Variants in SV2B observed in about 807,000 individuals in gnomAD.
SV2B encodes the protein solute carrier family 22 member B2.
A neutral mutation model predicts 73.9 loss-of-function variants in SV2B; 41 were observed. The observed-to-expected ratio is 0.56, with a 90% CI of 0.43 to 0.72. The LOEUF (loss-of-function observed/expected upper bound fraction) is 0.72, where lower values mean the gene tolerates loss of function less well. Among genes scored for constraint, SV2B ranks in the 30% least tolerant of loss-of-function variants. The probability of loss-of-function intolerance (pLI) is 0.00; values close to 1 mark genes in which losing one functional copy is unlikely to be tolerated. For missense variants in SV2B, 764 were observed against 857.8 expected (o/e 0.89, Z 1.37); for synonymous variants, 314 against 314.2 (o/e 1.00, Z 0.01).
intron 1 of SV2B, among the ~76,000 whole-genome samples, chr15:91,117,269 G>A (rs1415842670): frequency 2.6e-5 from 4 of 152,158 alleles, no homozygotes; most frequent in African/African-American, 9.7e-5. Context: ...TTCCTAACCT[G>A]TAAAACAAGG....
At chr15:91,164,383 T>C (rs2043837048) in intron 1 of SV2B, among the ~76,000 whole-genome samples, 1 of 152,224 alleles carries the variant, frequency 6.6e-6, no homozygotes, top group African/African-American at 2.4e-5. Flanking sequence ...TTCAGCTCCT[T>C]GAGGCCAGTG....
At chr15:91,285,793 G>T (rs796339756) in intron 11 of SV2B, among the ~76,000 whole-genome samples, 2 of 152,108 alleles carry the variant, frequency 1.3e-5, no homozygotes, top group Non-Finnish European at 2.9e-5. Flanking sequence ...GGGAGGCAGG[G>T]TTATAAGGCT....
At position 91,258,876 on chromosome 15, in the gene SV2B, A is replaced by G. The variant is rs1360175399; in HGVS notation, c.918+322A>G. Among the ~76,000 whole-genome samples the G allele has an allele frequency of 2.7e-5, 4 of 149,426 alleles. No homozygotes were observed. In the East Asian group the frequency reaches 7.9e-4, roughly 30 times the overall value. ...GCACCCACTGTCCCCCGAGGTCCTG[A>G]TTAGGAAGTTTTTTAGCCTGGGCTA... On this transcript the variant is annotated intron_variant, in intron 5 of 12. Transcript: ENST00000394232. This position sits in a 1 kb window ranked among gnomAD's most constrained non-coding sequence, Gnocchi z 4.7.
At chr15:91,248,308 A>G (rs930485978) in intron 2 of SV2B, among the ~76,000 whole-genome samples, 1 of 152,172 alleles carries the variant, frequency 6.6e-6, no homozygotes. Context: ...GTGACAGAGC[A>G]TCTAAAAAAC....
Position 91,106,640 on chromosome 15 carries a change from A to G in SV2B, c.-392+6277A>G, listed in dbSNP as rs2041891758. ...CGTGTGGTGACAAGAAAGAAAGAGGAACAAGTGGAAACCAAAAAATAGCTC... is the reference window on the plus strand; with the variant it reads ...CGTGTGGTGACAAGAAAGAAAGAGGGACAAGTGGAAACCAAAAAATAGCTC... On this transcript the variant is annotated intron_variant, in intron 1 of 12. Transcript: ENST00000394232. This position sits in a 1 kb window ranked among gnomAD's most constrained non-coding sequence, Gnocchi z 4.4. 1.3e-5 allele frequency among the ~76,000 whole-genome samples: 2 copies of G among 152,216 alleles called. No individual in the cohort carries two copies.
Position 91,283,839 on chromosome 15 carries a change from G to T in SV2B, c.1508-182G>T, listed in dbSNP as rs1567432601. Among the ~76,000 whole-genome samples, 1 of 127,188 alleles carries T rather than the reference G, an allele frequency of 7.9e-6. No individual in the cohort carries two copies. The highest frequency in any genetic ancestry group is 3.5e-5 in the African/African-American group (1 of 28,792). The allele number at this position is 127,188 out of a possible 152,430, so 83.4% of individuals were successfully genotyped here. A position where few individuals can be genotyped will look rare whatever the true frequency, so the allele number is the denominator to read the frequency against. On this transcript the variant is annotated intron_variant, in intron 10 of 12. Transcript: ENST00000394232. This position sits in a 1 kb window ranked among gnomAD's most constrained non-coding sequence, Gnocchi z 4.3. ...TGAACAGGTCATTACATTTTTGGAAGTTTCTCTCCTCATCCATACCTTGAT... is the reference window on the plus strand; with the variant it reads ...TGAACAGGTCATTACATTTTTGGAATTTTCTCTCCTCATCCATACCTTGAT...
In SV2B at chr15:91,271,670, G is replaced by A. The variant is rs139030180; in HGVS notation, c.1373+3065G>A. 3.0e-3 allele frequency among the ~76,000 whole-genome samples: 452 copies of A among 152,196 alleles called. 6 individuals are homozygous for A. The highest frequency in any genetic ancestry group is 1.0e-2 in the African/African-American group (415 of 41,518). ...CCAGCAACTTGCTTGAATAAAAAGG[G>A]TATTTTTCTCCTTGACTGGTTAGGA... On this transcript the variant is annotated intron_variant, in intron 9 of 12. Transcript: ENST00000394232.
chr15:91,254,424 T>C (rs1206883738), intron 4 of SV2B, among the ~76,000 whole-genome samples: 1 of 151,760 alleles, frequency 6.6e-6, no homozygotes. Flanking sequence ...TTTAGTAGAG[T>C]CGGGGTTTCA....
In SV2B at chr15:91,229,109, C is replaced by T. The variant is rs1014955383; in HGVS notation, c.451+2395C>T. On this transcript the variant is annotated intron_variant, in intron 2 of 12. Transcript: ENST00000394232. The surrounding 1 kb of genome is among the most constrained non-coding windows in gnomAD (Gnocchi z 4.3). ...CTCGTTTGTGGGAAGGAGGTCATGC[C>T]GTGCACAGGCTGCTCTCTGTGTCAT... Among the ~76,000 whole-genome samples, 98 of 152,324 alleles carry T rather than the reference C, an allele frequency of 6.4e-4. No individual in the cohort carries two copies. The highest frequency in any genetic ancestry group is 2.1e-3 in the African/African-American group (88 of 41,584).
chr15:91,267,594 A>G lies in SV2B; in HGVS notation c.1159A>G (p.Arg387Gly), dbSNP rs2048150022. ...CCTGTACTGTGTGATGGGGCCCTAC[A>G]GAATGAATACACTGATTCTGGCCGT... is the stretch of plus-strand genomic sequence containing the variant. ...NALYCVMGPYRMNTLILAVVW... is the reference protein window; with the variant it reads ...NALYCVMGPYGMNTLILAVVW... The change falls in exon 8 of 13, where the codon AGA (arginine) becomes GGA (glycine). Residue 387 changes from arginine (R) to glycine (G), a missense_variant. By Grantham distance (125) the Arg-to-Gly change is moderately radical (BLOSUM62 -2). Coordinates refer to ENST00000394232, the MANE Select transcript of SV2B (RefSeq NM_001323032.3). The surrounding 1 kb of genome is among the most constrained non-coding windows in gnomAD (Gnocchi z 4.3). 1.2e-6 allele frequency: 2 copies of G among 1,613,384 alleles called. No individual in the cohort carries two copies. Among genetic ancestry groups the G allele is most frequent in the African/African-American group, 1.3e-5 (1 of 74,886 alleles).
Position 91,224,882 on chromosome 15 carries a change from A to G in SV2B, c.-391-991A>G, listed in dbSNP as rs1567361639. 6.6e-6 allele frequency among the ~76,000 whole-genome samples: 1 copy of G among 152,208 alleles called. No individual in the cohort carries two copies. The highest frequency in any genetic ancestry group is 1.5e-5 in the Non-Finnish European group (1 of 68,036). On this transcript the variant is annotated intron_variant, in intron 1 of 12. Coordinates refer to ENST00000394232, the MANE Select transcript of SV2B (RefSeq NM_001323032.3). This position sits in a 1 kb window ranked among gnomAD's most constrained non-coding sequence, Gnocchi z 4.9. ...TAGGCACAATGAGAATCCACTGGGC[A>G]AAGGAGTCAACAGAGGGACTCTGAT...
At chr15:91,256,204 A>G (rs974632506) in intron 4 of SV2B, among the ~76,000 whole-genome samples, 5 of 152,246 alleles carry the variant, frequency 3.3e-5, no homozygotes, top group Admixed American at 1.3e-4. Flanking sequence ...GAAGATCAGC[A>G]AACAGAACAA....
At chr15:91,194,281 C>T (rs978471309) in intron 1 of SV2B, among the ~76,000 whole-genome samples, 1 of 152,138 alleles carries the variant, frequency 6.6e-6, no homozygotes, top group East Asian at 1.9e-4. Context: ...TCTCCCTCGG[C>T]TCTGCCCTGT....
chr15:91,294,227 G>A lies in SV2B; in HGVS notation c.*1675G>A, dbSNP rs1265924265. 1 of 152,184 alleles carries A rather than the reference G, an allele frequency of 6.6e-6. No individual in the cohort carries two copies. Among genetic ancestry groups the A allele is most frequent in the Non-Finnish European group, 1.5e-5 (1 of 68,026 alleles). 9.4% of individuals were successfully genotyped at this position (152,184 alleles called of 1,614,324 possible). A position where few individuals can be genotyped will look rare whatever the true frequency, so the allele number is the denominator to read the frequency against. On this transcript the variant is annotated 3_prime_UTR_variant, in exon 13 of 13. Transcript: ENST00000394232. This position sits in a 1 kb window ranked among gnomAD's most constrained non-coding sequence, Gnocchi z 4.1. ...TTTCTCAGTATTGGAGAAATGCTTA[G>A]GTCCTATGATAGCTTCGGGACATCT...
chr15:91,105,877 C>G lies in SV2B; in HGVS notation c.-392+5514C>G, dbSNP rs977342027. On this transcript the variant is annotated intron_variant, in intron 1 of 12. Coordinates refer to ENST00000394232, the MANE Select transcript of SV2B (RefSeq NM_001323032.3). The surrounding 1 kb of genome is among the most constrained non-coding windows in gnomAD (Gnocchi z 5.5). ...CAGCCTGGACAACGTGGCAAAATCC[C>G]AACTCTACAACAAATAAAAAAATTA... is the stretch of plus-strand genomic sequence containing the variant. Among the ~76,000 whole-genome samples the G allele has an allele frequency of 6.6e-6, 1 of 151,996 alleles. No homozygotes were observed. Among genetic ancestry groups the G allele is most frequent in the Non-Finnish European group, 1.5e-5 (1 of 68,014 alleles).
In SV2B at chr15:91,266,699, T is replaced by C. The variant is rs372171133; in HGVS notation, c.1119+7T>C. ...CAAGACCATTTTCAAGCAGGTATGA[T>C]TGGGAACTTACTTTGGATGAGGATG... On this transcript the variant is annotated splice_region_variant and intron_variant, in intron 7 of 12. Coordinates refer to ENST00000394232, the MANE Select transcript of SV2B (RefSeq NM_001323032.3). 1.6e-5 allele frequency: 25 copies of C among 1,607,792 alleles called. No individual in the cohort carries two copies. In the African/African-American group the frequency reaches 2.8e-4, roughly 18 times the overall value.
intron 1 of SV2B, among the ~76,000 whole-genome samples, chr15:91,187,596 T>G (rs977409307): frequency 2.6e-5 from 4 of 152,158 alleles, no homozygotes; most frequent in African/African-American, 7.2e-5. Flanking sequence ...ATAACATCTG[T>G]CAAGTGCTAC....
At position 91,124,328 on chromosome 15, in the gene SV2B, C is replaced by A. The variant is rs1335500602; in HGVS notation, c.-392+23965C>A. ...GTTTCCTTCTGTGAGGCACGACTTCCCAGGCAGGACTCTTGGGAGGATTGT... is the reference window on the plus strand; with the variant it reads ...GTTTCCTTCTGTGAGGCACGACTTCACAGGCAGGACTCTTGGGAGGATTGT... On this transcript the variant is annotated intron_variant, in intron 1 of 12. Coordinates refer to ENST00000394232, the MANE Select transcript of SV2B (RefSeq NM_001323032.3). The surrounding 1 kb of genome is among the most constrained non-coding windows in gnomAD (Gnocchi z 4.6). Among the ~76,000 whole-genome samples the A allele has an allele frequency of 6.6e-6, 1 of 152,096 alleles. No homozygotes were observed. The highest frequency in any genetic ancestry group is 2.4e-5 in the African/African-American group (1 of 41,408).
At position 91,224,131 on chromosome 15, in the gene SV2B, G is replaced by T. The variant is rs2046302263; in HGVS notation, c.-391-1742G>T. 6.6e-6 allele frequency among the ~76,000 whole-genome samples: 1 copy of T among 152,236 alleles called. No homozygotes were observed. Among genetic ancestry groups the T allele is most frequent in the Admixed American group, 6.5e-5 (1 of 15,288 alleles). ...CAGGAGGGCCAGGAAGCAGGTGTGGGGCAGAGGGCCCAGGGATGGGCTGTG... is the reference window on the plus strand; with the variant it reads ...CAGGAGGGCCAGGAAGCAGGTGTGGTGCAGAGGGCCCAGGGATGGGCTGTG... On this transcript the variant is annotated intron_variant, in intron 1 of 12. Transcript: ENST00000394232. The surrounding 1 kb of genome is among the most constrained non-coding windows in gnomAD (Gnocchi z 4.9).
Sources: allele counts gnomAD v4.1 joint callset (sites outside exome capture counted in the v4.1 genomes callset), GRCh38; gene constraint gnomAD v4.1.1; non-coding constraint Gnocchi (gnomAD v3.1); transcripts MANE v1.5; gene names NCBI Gene and HGNC (gene_info 2026-07-23, HGNC 2026-07-21).